DACH1: variants seen among roughly 807,000 people sequenced by gnomAD.
DACH1 encodes the protein dachshund family transcription factor 1.
In DACH1, 12 loss-of-function variants were observed where a neutral mutation model predicts 54.2. The ratio of observed to expected loss-of-function variants is 0.22; its 90% CI spans 0.14 to 0.36. The LOEUF is 0.36. DACH1 is among the 10% of genes least tolerant of loss of function. The probability of loss-of-function intolerance (pLI) is 1.00; values close to 1 mark genes in which losing one functional copy is unlikely to be tolerated. For missense variants in DACH1, 805 were observed against 929.8 expected (o/e 0.87, Z 1.75); for synonymous variants, 386 against 366.2 (o/e 1.05, Z -0.62).
In DACH1 at chr13:71,439,930, A is replaced by T. The variant is rs1305837161; in HGVS notation, c.*725T>A. On this transcript the variant is annotated 3_prime_UTR_variant, in exon 11 of 11. Transcript: ENST00000613252. ...ACCACTACCAGTTTGGAATGAAAACATGTTACACTTATATATTTTTTTTTA... is the reference window on the plus strand; with the variant it reads ...ACCACTACCAGTTTGGAATGAAAACTTGTTACACTTATATATTTTTTTTTA... 1.3e-5 allele frequency: 2 copies of T among 152,278 alleles called. No individual in the cohort carries two copies. Among genetic ancestry groups the T allele is most frequent in the East Asian group, 3.9e-4 (2 of 5,192 alleles). 9.4% of individuals were successfully genotyped at this position (152,278 alleles called of 1,614,324 possible).
intron 7 of DACH1, among the ~76,000 whole-genome samples, chr13:71,485,699 C>T (rs1418765209): frequency 2.7e-5 from 4 of 149,432 alleles, no homozygotes; most frequent in African/African-American, 4.9e-5. Context: ...TCTCCAGCCT[C>T]AGCCTCCTGA....
At chr13:71,826,572 C>T (rs1322081065) in intron 1 of DACH1, among the ~76,000 whole-genome samples, 1 of 151,990 alleles carries the variant, frequency 6.6e-6, no homozygotes, top group Non-Finnish European at 1.5e-5. Context: ...TGTTTTGCCA[C>T]CACTACCTCT....
rs201889116 is a variant in DACH1 at position 71,748,844 on chromosome 13, C to CTCTTTCTT, written c.849-66942_849-66935dup. Among the ~76,000 whole-genome samples, 170 of 131,188 alleles carry CTCTTTCTT rather than the reference C, an allele frequency of 1.3e-3. 5 individuals are homozygous for CTCTTTCTT. Among genetic ancestry groups the CTCTTTCTT allele is most frequent in the East Asian group, 3.5e-3 (13 of 3,768 alleles). 86.1% of individuals were successfully genotyped at this position (131,188 alleles called of 152,430 possible). ...ACCTGAAATATAAAAAATATTTTTT[C>CTCTTTCTT]TCTTTCTTTCTTTCTTTCTTTCTTT... is the stretch of plus-strand genomic sequence containing the variant. On this transcript the variant is annotated intron_variant, in intron 1 of 10. Transcript: ENST00000613252.
intron 1 of DACH1, among the ~76,000 whole-genome samples, chr13:71,782,028 C>T (rs1886403985): frequency 6.6e-6 from 1 of 152,152 alleles, no homozygotes; most frequent in African/African-American, 2.4e-5. Flanking sequence ...AATATATCTC[C>T]AAAGCTGTAA....
intron 10 of DACH1, among the ~76,000 whole-genome samples, chr13:71,453,193 T>C (rs1875231537): frequency 6.6e-6 from 1 of 152,068 alleles, no homozygotes; most frequent in Admixed American, 6.5e-5. Flanking sequence ...GACAAAGAAA[T>C]CTCTTATTAC....
chr13:71,820,555 G>A (rs1024057312), intron 1 of DACH1, among the ~76,000 whole-genome samples: 3 of 152,020 alleles, frequency 2.0e-5, no homozygotes, highest in Non-Finnish European at 4.4e-5. Context: ...TCTTTGGATG[G>A]CTTTGCTTTA....
intron 10 of DACH1, among the ~76,000 whole-genome samples, chr13:71,453,567 C>CT (rs1226511466): frequency 6.6e-6 from 1 of 152,040 alleles, no homozygotes; most frequent in African/African-American, 2.4e-5. Flanking sequence ...TTATTTTCTT[C>CT]TAAGTTTGGA....
At chr13:71,827,666 A>C (rs971479151) in intron 1 of DACH1, among the ~76,000 whole-genome samples, 1 of 152,104 alleles carries the variant, frequency 6.6e-6, no homozygotes, top group Non-Finnish European at 1.5e-5. Context: ...ATTCACCTTC[A>C]ATGTGACAGT....
intron 3 of DACH1, among the ~76,000 whole-genome samples, chr13:71,590,616 C>T (rs560098160): frequency 3.9e-4 from 60 of 152,012 alleles, no homozygotes; most frequent in Non-Finnish European, 7.4e-4. Flanking sequence ...ATGTCCCTTA[C>T]AAAATGTTAG....
Position 71,866,449 on chromosome 13 carries a change from G to T in DACH1, c.321C>A (p.Asn107Lys). The T allele has an allele frequency of 7.2e-7, 1 of 1,387,516 alleles. No homozygotes were observed. The highest frequency in any genetic ancestry group is 9.4e-7 in the Non-Finnish European group (1 of 1,065,130). The allele number at this position is 1,387,516 out of a possible 1,614,324, so 86.0% of individuals were successfully genotyped here. A position where few individuals can be genotyped will look rare whatever the true frequency, so the allele number is the denominator to read the frequency against. Residue 107 changes from asparagine to lysine, a missense_variant, in exon 1 of 11, where the codon AAC becomes AAA. Physicochemically the swap from Asn to Lys is moderately conservative, Grantham distance 94. This residue lies in a region of DACH1 where 305 missense variants were observed against 308.7 expected (regional missense o/e 0.99). Coordinates refer to ENST00000613252, the MANE Select transcript of DACH1 (RefSeq NM_080759.6). ...GGGGGSNCNP[N>K]LAAASNGSGG... ...CGCTGCCGTTGCTCGCGGCCGCCAG[G>T]TTGGGGTTGCAGTTGCTGCCACCGC... is the stretch of plus-strand genomic sequence containing the variant.
chr13:71,806,020 T>G (rs1298857476), intron 1 of DACH1, among the ~76,000 whole-genome samples: 1 of 152,162 alleles, frequency 6.6e-6, no homozygotes, highest in Non-Finnish European at 1.5e-5. Context: ...TTGGTCAGGC[T>G]AGTCTCGAAC....
intron 3 of DACH1, among the ~76,000 whole-genome samples, chr13:71,586,834 C>A (rs890858190): frequency 6.6e-6 from 1 of 152,040 alleles, no homozygotes; most frequent in African/African-American, 2.4e-5. Context: ...TTATAGGTTT[C>A]TCACATGTAA....
intron 10 of DACH1, among the ~76,000 whole-genome samples, chr13:71,456,203 A>C (rs1376264989): frequency 1.3e-5 from 2 of 152,150 alleles, no homozygotes; most frequent in African/African-American, 2.4e-5. Context: ...TATAATTTCA[A>C]AAAATAAACA....
rs1433137319 is a variant in DACH1 at position 71,438,107 on chromosome 13, T to G, written c.*2548A>C. ...AAAATTTCCAATTCTTGCATTATGA[T>G]GTAAAAACAGATTTTTGTACAGATT... On this transcript the variant is annotated 3_prime_UTR_variant, in exon 11 of 11. Coordinates refer to ENST00000613252, the MANE Select transcript of DACH1 (RefSeq NM_080759.6). 6.6e-6 allele frequency: 1 copy of G among 152,396 alleles called. No homozygotes were observed. Among genetic ancestry groups the G allele is most frequent in the Non-Finnish European group, 1.5e-5 (1 of 67,870 alleles). The allele number at this position is 152,396 out of a possible 1,614,324, so 9.4% of individuals were successfully genotyped here. A position where few individuals can be genotyped will look rare whatever the true frequency, so the allele number is the denominator to read the frequency against.
intron 1 of DACH1, among the ~76,000 whole-genome samples, chr13:71,702,047 A>G (rs1459512521): frequency 6.6e-6 from 1 of 152,136 alleles, no homozygotes; most frequent in Non-Finnish European, 1.5e-5. Flanking sequence ...AAATAAATAA[A>G]GTATTTAACA....
At chr13:71,849,475 A>G (rs1873519657) in intron 1 of DACH1, among the ~76,000 whole-genome samples, 1 of 152,224 alleles carries the variant, frequency 6.6e-6, no homozygotes, top group Non-Finnish European at 1.5e-5. Context: ...TTTATGCACA[A>G]TTGATCTGAT....
intron 10 of DACH1, among the ~76,000 whole-genome samples, chr13:71,454,019 A>G (rs550940987): frequency 6.6e-6 from 1 of 151,804 alleles, no homozygotes; most frequent in South Asian, 2.1e-4. Context: ...GATAAGTTCA[A>G]AGATGTGCAA....
Position 71,732,584 on chromosome 13 carries a change from T to TAA in DACH1, c.849-50676_849-50675dup, listed in dbSNP as rs768740365. ...TCGGTGACAAGAGTGAGACTATTTC[T>TAA]AAAAAAAAAAAAAAAAAAAGTCACC... On this transcript the variant is annotated intron_variant, in intron 1 of 10. Coordinates refer to ENST00000613252, the MANE Select transcript of DACH1 (RefSeq NM_080759.6). 6.1e-4 allele frequency among the ~76,000 whole-genome samples: 68 copies of TAA among 110,598 alleles called. 1 individual carries two copies. The highest frequency in any genetic ancestry group is 1.8e-3 in the East Asian group (7 of 3,968). 72.6% of individuals were successfully genotyped at this position (110,598 alleles called of 152,430 possible). A position where few individuals can be genotyped will look rare whatever the true frequency, so the allele number is the denominator to read the frequency against.
intron 2 of DACH1, among the ~76,000 whole-genome samples, chr13:71,642,958 G>A (rs2138601754): frequency 6.6e-6 from 1 of 152,222 alleles, no homozygotes; most frequent in East Asian, 1.9e-4. Context: ...CTGGGAGGCA[G>A]AGGTTGCAGT....
Sources: allele counts gnomAD v4.1 joint callset (sites outside exome capture counted in the v4.1 genomes callset), GRCh38; gene constraint gnomAD v4.1.1; regional missense constraint gnomAD v4.1.1; transcripts MANE v1.5; gene names NCBI Gene and HGNC (gene_info 2026-07-23, HGNC 2026-07-21).